Variants in LPP observed in about 807,000 individuals in gnomAD.
LPP encodes LIM domain containing preferred translocation partner in lipoma.
Under a neutral mutation model 60.4 loss-of-function variants are expected in LPP, and 38 were observed. The observed-to-expected ratio is 0.63, with a 90% CI of 0.49 to 0.83. The LOEUF is 0.83. Among genes scored for constraint, LPP ranks in the 40% least tolerant of loss-of-function variants. LPP has a pLI of 0.00. For synonymous variants in LPP, 328 were observed against 290.8 expected (o/e 1.13, Z -1.30); for missense variants, 902 against 783.6 (o/e 1.15, Z -1.80).
chr3:188,578,210 A>G (rs1014701931), intron 6 of LPP, among the ~76,000 whole-genome samples: 10 of 151,690 alleles, frequency 6.6e-5, no homozygotes, highest in African/African-American at 1.9e-4. Context: ...TGGAGTGGCC[A>G]CTATGGTCCT....
intron 7 of LPP, among the ~76,000 whole-genome samples, chr3:188,626,078 A>G (rs1175648179): frequency 6.6e-6 from 1 of 152,128 alleles, no homozygotes; most frequent in Non-Finnish European, 1.5e-5. Context: ...GAAGCTTTGA[A>G]GCTTATCACT....
intron 3 of LPP, among the ~76,000 whole-genome samples, chr3:188,383,948 T>C (rs1038975722): frequency 6.6e-6 from 1 of 152,214 alleles, no homozygotes; most frequent in Non-Finnish European, 1.5e-5. Context: ...CGTTAATCAT[T>C]GATACCACCA....
At chr3:188,486,244 G>C (rs964514856) in intron 5 of LPP, among the ~76,000 whole-genome samples, 11 of 152,084 alleles carry the variant, frequency 7.2e-5, no homozygotes, top group African/African-American at 2.4e-4. Flanking sequence ...TCCTAAATTT[G>C]AGGTTGAAGG....
At chr3:188,334,879 T>TCTAA (rs1403201899) in intron 2 of LPP, among the ~76,000 whole-genome samples, 1 of 152,240 alleles carries the variant, frequency 6.6e-6, no homozygotes, top group Non-Finnish European at 1.5e-5. Context: ...TAATAGCTAT[T>TCTAA]CTAACTTGGG....
chr3:188,524,518 C>A, intron 5 of LPP, 147 bp from the exon 6 acceptor site: 1 of 743,650 alleles, frequency 1.3e-6, no homozygotes, highest in Non-Finnish European at 2.2e-6. Context: ...CTCAGCCTAC[C>A]TCACTGAGAT....
Position 188,874,778 on chromosome 3 carries a change from T to G in LPP, c.*299T>G. ...CTGTAACTTTTAATCCCTATGTTTG[T>G]CTCACTTTTCATCTGGTTGAATGGC... On this transcript the variant is annotated 3_prime_UTR_variant, in exon 12 of 12. Coordinates refer to ENST00000617246, the MANE Select transcript of LPP (RefSeq NM_001375462.1). 1 of 276,314 alleles carries G rather than the reference T, an allele frequency of 3.6e-6. No homozygotes were observed. Among genetic ancestry groups the G allele is most frequent in the Non-Finnish European group, 6.9e-6 (1 of 145,364 alleles). The allele number at this position is 276,314 out of a possible 1,614,324, so 17.1% of individuals were successfully genotyped here.
chr3:188,641,391 G>T (rs991169044), intron 7 of LPP, among the ~76,000 whole-genome samples: 2 of 152,176 alleles, frequency 1.3e-5, no homozygotes, highest in African/African-American at 4.8e-5. Context: ...CGATTTGGGA[G>T]GGGTTAGTGG....
chr3:188,402,626 A>G (rs1782515786), intron 3 of LPP, among the ~76,000 whole-genome samples: 1 of 152,240 alleles, frequency 6.6e-6, no homozygotes, highest in Non-Finnish European at 1.5e-5. Flanking sequence ...GCAATTCTAG[A>G]AAGATATGAG....
chr3:188,885,611 G>C lies in LPP; in HGVS notation c.*11132G>C, dbSNP rs1770566559. ...CCGCAATAAACATAAGTGTGCATGT[G>C]TCTTTATAGCAGCATGATTTATAAT... On this transcript the variant is annotated 3_prime_UTR_variant, in exon 12 of 12. Transcript: ENST00000617246. The C allele has an allele frequency of 6.3e-6, 1 of 159,216 alleles. No individual in the cohort carries two copies. Among genetic ancestry groups the C allele is most frequent in the African/African-American group, 2.4e-5 (1 of 41,670 alleles). The allele number at this position is 159,216 out of a possible 1,614,324, so 9.9% of individuals were successfully genotyped here.
chr3:188,551,703 A>G (rs997155532), intron 6 of LPP, among the ~76,000 whole-genome samples: 2 of 152,140 alleles, frequency 1.3e-5, no homozygotes, highest in Non-Finnish European at 1.5e-5. Context: ...GGGTTGAGGA[A>G]GATTGTGTGT....
intron 6 of LPP, among the ~76,000 whole-genome samples, chr3:188,558,392 A>G (rs951541971): frequency 6.6e-6 from 1 of 151,766 alleles, no homozygotes; most frequent in African/African-American, 2.4e-5. Flanking sequence ...TTCATTTTTT[A>G]CCTGAGGAGC....
intron 3 of LPP, among the ~76,000 whole-genome samples, chr3:188,353,344 A>G (rs147828313): frequency 1.3e-5 from 2 of 152,304 alleles, no homozygotes; most frequent in African/African-American, 4.8e-5. Flanking sequence ...CCTCTAAAAA[A>G]TGTTTACTAA....
intron 9 of LPP, among the ~76,000 whole-genome samples, chr3:188,856,002 A>G (rs957310223): frequency 1.3e-5 from 2 of 152,140 alleles, no homozygotes; most frequent in African/African-American, 4.8e-5. Flanking sequence ...CTTTTTCTCT[A>G]TCAAGGCCTC....
intron 8 of LPP, among the ~76,000 whole-genome samples, chr3:188,718,432 C>A (rs971072360): frequency 1.3e-5 from 2 of 152,058 alleles, no homozygotes; most frequent in African/African-American, 4.8e-5. Context: ...AACACATTGT[C>A]CTTAAAAAGA....
chr3:188,867,686 A>T (rs958698395), intron 10 of LPP, among the ~76,000 whole-genome samples: 6 of 152,104 alleles, frequency 3.9e-5, no homozygotes, highest in African/African-American at 1.4e-4. Context: ...AAACCTATAG[A>T]TATGATCTGT....
chr3:188,678,476 T>C (rs1858636854), intron 7 of LPP, among the ~76,000 whole-genome samples: 1 of 152,216 alleles, frequency 6.6e-6, no homozygotes, highest in Admixed American at 6.5e-5. Context: ...ATATGTTGTA[T>C]ATTTCTGCCT....
chr3:188,411,973 G>GTT (rs549466310), intron 4 of LPP, among the ~76,000 whole-genome samples: 3,628 of 149,842 alleles, frequency 0.024, 144 homozygotes, highest in African/African-American at 0.082. Context: ...CTCTTTCTCT[G>GTT]TCTCTCTCTC....
intron 7 of LPP, among the ~76,000 whole-genome samples, chr3:188,703,489 A>G (rs887248963): frequency 3.9e-5 from 6 of 152,158 alleles, no homozygotes; most frequent in African/African-American, 1.4e-4. Context: ...TAACGGAGGA[A>G]CCCTGTGTTT....
intron 6 of LPP, among the ~76,000 whole-genome samples, chr3:188,593,505 C>A (rs138175070): frequency 2.0e-5 from 3 of 152,062 alleles, no homozygotes; most frequent in African/African-American, 4.8e-5. Flanking sequence ...TTAGTAAGTT[C>A]TTTAACGGAC....
Sources: allele counts gnomAD v4.1 joint callset (sites outside exome capture counted in the v4.1 genomes callset), GRCh38; gene constraint gnomAD v4.1.1; transcripts MANE v1.5; gene names NCBI Gene and HGNC (gene_info 2026-07-23, HGNC 2026-07-21).